VWC2L: variants seen among roughly 807,000 people sequenced by gnomAD.
VWC2L encodes von Willebrand factor C domain containing 2 like, also known as von Willebrand factor C domain-containing protein 2-like.
In VWC2L, 10 loss-of-function variants were observed where a neutral mutation model predicts 21.6. The ratio of observed to expected loss-of-function variants is 0.46; its 90% CI spans 0.29 to 0.78. The LOEUF (loss-of-function observed/expected upper bound fraction) is 0.78, where lower values mean the gene tolerates loss of function less well. VWC2L is among the 30% of genes least tolerant of loss of function. The pLI is 0.10. For missense variants in VWC2L, 209 were observed against 277.1 expected, an observed-to-expected ratio of 0.75 and a Z score of 1.74; for synonymous variants, 96 against 94.3, an observed-to-expected ratio of 1.02 and a Z score of -0.10.
At chr2:214,524,606 G>C (rs1014798249) in intron 3 of VWC2L, among the ~76,000 whole-genome samples, 2 of 151,992 alleles carry the variant, frequency 1.3e-5, no homozygotes, top group African/African-American at 4.8e-5. Flanking sequence ...GCCAGGCGCT[G>C]TTTTAGGTGC....
intron 3 of VWC2L, among the ~76,000 whole-genome samples, chr2:214,527,293 T>C (rs1689356670): frequency 6.6e-6 from 1 of 152,098 alleles, no homozygotes; most frequent in Non-Finnish European, 1.5e-5. Context: ...TATCAGTTAC[T>C]ATGCTCGCTA....
At chr2:214,502,253 A>G (rs1447535702) in intron 3 of VWC2L, among the ~76,000 whole-genome samples, 2 of 152,280 alleles carry the variant, frequency 1.3e-5, no homozygotes, top group Non-Finnish European at 2.9e-5. Context: ...TTGTTCATGC[A>G]AAGTGTAAAT....
At chr2:214,552,786 G>T (rs987311298) in intron 3 of VWC2L, among the ~76,000 whole-genome samples, 4 of 152,050 alleles carry the variant, frequency 2.6e-5, no homozygotes, top group Non-Finnish European at 4.4e-5. Flanking sequence ...CTAAAATGAT[G>T]CCTCAAGAGC....
intron 3 of VWC2L, among the ~76,000 whole-genome samples, chr2:214,438,138 A>G (rs1702705726): frequency 6.6e-6 from 1 of 152,116 alleles, no homozygotes; most frequent in Non-Finnish European, 1.5e-5. Flanking sequence ...AAAAGATACA[A>G]GAAAGAACAA....
chr2:214,499,978 G>A (rs758520440), intron 3 of VWC2L, among the ~76,000 whole-genome samples: 2 of 152,206 alleles, frequency 1.3e-5, no homozygotes, highest in African/African-American at 2.4e-5. Flanking sequence ...GTTGGGAAAG[G>A]CCTTTCTGAG....
intron 3 of VWC2L, among the ~76,000 whole-genome samples, chr2:214,508,719 T>C (rs1159924555): frequency 6.6e-6 from 1 of 152,218 alleles, no homozygotes; most frequent in Admixed American, 6.5e-5. Flanking sequence ...CAAGGGCTCC[T>C]TCACGTTTTT....
At chr2:214,474,735 G>A (rs1688479596) in intron 3 of VWC2L, among the ~76,000 whole-genome samples, 1 of 151,990 alleles carries the variant, frequency 6.6e-6, no homozygotes, top group South Asian at 2.1e-4. Flanking sequence ...CACGTGAATT[G>A]GGGAAAACAA....
intron 2 of VWC2L, among the ~76,000 whole-genome samples, chr2:214,418,135 C>G (rs1702383297): frequency 6.6e-6 from 1 of 152,094 alleles, no homozygotes. Flanking sequence ...AACTGGAAAC[C>G]CCTCTCTGTC....
intron 3 of VWC2L, among the ~76,000 whole-genome samples, chr2:214,561,515 C>T (rs1336738171): frequency 6.6e-6 from 1 of 151,924 alleles, no homozygotes; most frequent in Non-Finnish European, 1.5e-5. Flanking sequence ...GTAGTTCATG[C>T]CTATAATTTC....
intron 3 of VWC2L, among the ~76,000 whole-genome samples, chr2:214,535,621 A>C (rs552967916): frequency 6.6e-6 from 1 of 152,270 alleles, no homozygotes; most frequent in African/African-American, 2.4e-5. Context: ...TATAAACAAA[A>C]GGGTGATCCT....
chr2:214,511,473 A>G (rs1268728089), intron 3 of VWC2L, among the ~76,000 whole-genome samples: 1 of 152,014 alleles, frequency 6.6e-6, no homozygotes, highest in Non-Finnish European at 1.5e-5. Context: ...GCCTTATAAG[A>G]AGAGGAAGAG....
intron 2 of VWC2L, among the ~76,000 whole-genome samples, chr2:214,427,099 A>G (rs1050411251): frequency 1.3e-5 from 2 of 152,270 alleles, no homozygotes; most frequent in Admixed American, 1.3e-4. Context: ...AAATTTTTAA[A>G]AAAGAAAATG....
intron 3 of VWC2L, among the ~76,000 whole-genome samples, chr2:214,439,071 T>C (rs1007725776): frequency 2.0e-5 from 3 of 152,032 alleles, no homozygotes; most frequent in African/African-American, 4.8e-5. Context: ...TGCCGCTAGT[T>C]AGTCACATAT....
chr2:214,553,778 T>C (rs929532822), intron 3 of VWC2L, among the ~76,000 whole-genome samples: 3 of 152,184 alleles, frequency 2.0e-5, no homozygotes, highest in Non-Finnish European at 4.4e-5. Context: ...GAACTAGTTT[T>C]TCAGGTTAAC....
intron 3 of VWC2L, among the ~76,000 whole-genome samples, chr2:214,504,646 A>T (rs369150532): frequency 2.6e-5 from 4 of 152,230 alleles, no homozygotes; most frequent in African/African-American, 9.6e-5. Flanking sequence ...CTTCCCTAGG[A>T]AAGCCCATGA....
intron 2 of VWC2L, among the ~76,000 whole-genome samples, chr2:214,432,646 T>A (rs1320868964): frequency 6.6e-6 from 1 of 152,234 alleles, no homozygotes; most frequent in Non-Finnish European, 1.5e-5. Flanking sequence ...CTCATTTTGC[T>A]CTATTAACTA....
chr2:214,500,787 T>C (rs1428152201), intron 3 of VWC2L, among the ~76,000 whole-genome samples: 1 of 152,212 alleles, frequency 6.6e-6, no homozygotes, highest in Non-Finnish European at 1.5e-5. Context: ...GGTTCAGTTA[T>C]TAAGAGGTGT....
At chr2:214,417,892 G>A (rs1406675204) in intron 2 of VWC2L, among the ~76,000 whole-genome samples, 2 of 152,182 alleles carry the variant, frequency 1.3e-5, no homozygotes, top group African/African-American at 4.8e-5. Context: ...CAGAAAAAAA[G>A]AGAATGAGGT....
chr2:214,560,226 C>T (rs565847014), intron 3 of VWC2L, among the ~76,000 whole-genome samples: 1 of 152,108 alleles, frequency 6.6e-6, no homozygotes, highest in East Asian at 1.9e-4. Flanking sequence ...ACTATAAAAA[C>T]CATGGAAATG....
Sources: gnomAD v4.1 joint callset for allele counts (sites outside exome capture counted in the v4.1 genomes callset) on GRCh38, gnomAD v4.1.1 for gene constraint, MANE v1.5 for transcripts, NCBI Gene and HGNC (gene_info 2026-07-23, HGNC 2026-07-21) for gene names.